SORBS2: variants seen among roughly 807,000 people sequenced by gnomAD.
SORBS2 encodes the protein sorbin and SH3 domain containing 2, also known as sorbin and SH3 domain-containing protein 2.
A neutral mutation model predicts 97.7 loss-of-function variants in SORBS2; 46 were observed. The observed-to-expected ratio is 0.47, with a 90% CI of 0.37 to 0.60. The LOEUF is 0.60. Ranked by LOEUF, SORBS2 falls within the 20% of genes least tolerant of loss-of-function variation. The probability of loss-of-function intolerance (pLI) is 0.00; values close to 1 mark genes in which losing one functional copy is unlikely to be tolerated. For missense variants in SORBS2, 1,316 were observed against 1,282.3 expected (o/e 1.03, Z -0.40); for synonymous variants, 476 against 473.4 (o/e 1.01, Z -0.07).
chr4:185,791,270 T>G (rs1296623498), intron 1 of SORBS2, among the ~76,000 whole-genome samples: 1 of 152,196 alleles, frequency 6.6e-6, no homozygotes, highest in Admixed American at 6.5e-5. Context: ...ATACATTAAA[T>G]GTTTAAGAAA....
At chr4:185,902,921 T>C (rs2099248496) in intron 1 of SORBS2, among the ~76,000 whole-genome samples, 1 of 152,216 alleles carries the variant, frequency 6.6e-6, no homozygotes, top group Admixed American at 6.5e-5. Flanking sequence ...GACGTCATAA[T>C]CGCTGAGTTG....
At chr4:185,895,305 G>A (rs552239396) in intron 1 of SORBS2, among the ~76,000 whole-genome samples, 12 of 152,304 alleles carry the variant, frequency 7.9e-5, no homozygotes, top group Admixed American at 2.6e-4. Context: ...GTATGTTTGC[G>A]TAATTCCCTA....
At chr4:185,755,497 A>T (rs189512142) in intron 2 of SORBS2, among the ~76,000 whole-genome samples, 2 of 152,370 alleles carry the variant, frequency 1.3e-5, no homozygotes, top group Admixed American at 1.3e-4. Context: ...CATGGAAGAC[A>T]GTTTTCTACT....
intron 4 of SORBS2, among the ~76,000 whole-genome samples, chr4:185,666,813 C>T (rs566984229): frequency 3.2e-4 from 49 of 152,172 alleles, no homozygotes; most frequent in Non-Finnish European, 6.0e-4. Flanking sequence ...ATAGAGGTAC[C>T]ATGTGTGAAA....
At chr4:185,815,712 A>G (rs1218792666) in intron 1 of SORBS2, among the ~76,000 whole-genome samples, 1 of 152,212 alleles carries the variant, frequency 6.6e-6, no homozygotes, top group African/African-American at 2.4e-5. Flanking sequence ...TTTAAGTTAT[A>G]CCGTATGCAC....
Position 185,602,975 on chromosome 4 carries a change from G to A in SORBS2, c.2796+8805C>T, listed in dbSNP as rs532142173. Reference sequence around the variant, plus strand: ...CAGAGAAAATCACTTTGATTTGCTGGAGTTAGTCAGAAGTATCTCATGTGG... The same window carrying A: ...CAGAGAAAATCACTTTGATTTGCTGAAGTTAGTCAGAAGTATCTCATGTGG... On this transcript the variant is annotated intron_variant, in intron 12 of 14. Coordinates refer to ENST00000418609, the Ensembl canonical transcript of SORBS2. 3.9e-5 allele frequency among the ~76,000 whole-genome samples: 6 copies of A among 152,238 alleles called. No homozygotes were observed. The South Asian group carries it at 1.2e-3, about 32-fold the overall frequency.
intron 4 of SORBS2, among the ~76,000 whole-genome samples, chr4:185,671,762 AGATCAT>A (rs1397484051): frequency 1.3e-5 from 2 of 152,244 alleles, no homozygotes; most frequent in Non-Finnish European, 2.9e-5. Flanking sequence ...TAAGGAAGGC[AGATCAT>A]GACGTGGTAT....
intron 1 of SORBS2, among the ~76,000 whole-genome samples, chr4:185,921,959 A>C (rs1007198583): frequency 4.6e-5 from 7 of 152,208 alleles, no homozygotes; most frequent in African/African-American, 1.7e-4. Context: ...AAGCCACACA[A>C]TTGTTAAAAC....
intron 9 of SORBS2, 127 bp from the exon 22 acceptor site, chr4:185,615,286 G>A: frequency 1.5e-6 from 1 of 647,412 alleles, no homozygotes; most frequent in South Asian, 1.8e-5. Context: ...AATTGATATT[G>A]AGTCCGATTA....
intron 1 of SORBS2, among the ~76,000 whole-genome samples, chr4:185,869,509 T>A (rs928186845): frequency 6.6e-6 from 1 of 152,200 alleles, no homozygotes; most frequent in Non-Finnish European, 1.5e-5. Context: ...TGCTGCACCC[T>A]CAGCTCCCAC....
At chr4:185,956,234 C>G (rs539481639) in exon 1 of SORBS2, 3 of 152,250 alleles carry the variant, frequency 2.0e-5, no homozygotes, top group Non-Finnish European at 4.4e-5. Flanking sequence ...AAATCGCTGT[C>G]TTGTCGGCTG....
At chr4:185,873,562 A>T (rs1301508886) in intron 1 of SORBS2, among the ~76,000 whole-genome samples, 1 of 152,230 alleles carries the variant, frequency 6.6e-6, no homozygotes, top group Non-Finnish European at 1.5e-5. Flanking sequence ...AGGGAAATGC[A>T]TATCTATTTT....
chr4:185,760,424 G>A (rs2098871813), intron 2 of SORBS2, among the ~76,000 whole-genome samples: 2 of 152,318 alleles, frequency 1.3e-5, no homozygotes, highest in African/African-American at 4.8e-5. Flanking sequence ...TTAGCTGAGT[G>A]TGGTGGTGGG....
At chr4:185,793,126 C>A (rs982372131) in intron 1 of SORBS2, among the ~76,000 whole-genome samples, 1 of 152,192 alleles carries the variant, frequency 6.6e-6, no homozygotes, top group Non-Finnish European at 1.5e-5. Context: ...CCCTGCAGAT[C>A]GCAAAGCTCC....
At chr4:185,587,983 G>A (rs562497035) in intron 14 of SORBS2, 2 of 306,266 alleles carry the variant, frequency 6.5e-6, no homozygotes, top group East Asian at 7.4e-5. Flanking sequence ...GAGGAGGGGG[G>A]CGGAGGAGCT....
intron 3 of SORBS2, 105 bp from the exon 7 acceptor site, chr4:185,678,652 G>A: frequency 7.5e-7 from 1 of 1,324,914 alleles, no homozygotes; most frequent in Non-Finnish European, 1.0e-6. Flanking sequence ...TTCCAAAATT[G>A]TAGTGTTCTT....
intron 1 of SORBS2, among the ~76,000 whole-genome samples, chr4:185,914,473 A>T (rs2099256992): frequency 6.6e-6 from 1 of 152,230 alleles, no homozygotes; most frequent in Admixed American, 6.5e-5. Context: ...CATGTTTCAT[A>T]ACAAGTTCTA....
intron 5 of SORBS2, 43 bp downstream of exon 8, chr4:185,662,061 G>T (rs374871836): frequency 7.5e-6 from 12 of 1,608,638 alleles, no homozygotes; most frequent in Non-Finnish European, 1.0e-5. Context: ...TGTACTTGCC[G>T]CATTGAGGTT....
chr4:185,730,144 G>A lies in SORBS2; in HGVS notation c.-198+45083C>T, dbSNP rs558537490. ...ATTTTTTGTATTTTTAGTAGAGACG[G>A]GGTTTCACTGTGTTAGCCAGGATGG... On this transcript the variant is annotated intron_variant, in intron 2 of 20. Coordinates refer to the SORBS2 transcript ENST00000284776. Among the ~76,000 whole-genome samples the A allele has an allele frequency of 1.1e-3, 172 of 152,092 alleles. 4 individuals carry two copies. In the East Asian group the frequency reaches 0.023, roughly 20 times the overall value.
Sources: gnomAD v4.1 joint callset for allele counts (sites outside exome capture counted in the v4.1 genomes callset) on GRCh38, gnomAD v4.1.1 for gene constraint, MANE v1.5 for transcripts, NCBI Gene and HGNC (gene_info 2026-07-23, HGNC 2026-07-21) for gene names.